Variants in ADAT3 observed in about 807,000 individuals in gnomAD.
ADAT3 encodes tRNA-specific adenosine-34 deaminase regulatory subunit ADAT3.
A neutral mutation model predicts 3.5 loss-of-function variants in ADAT3; 2 were observed. The observed-to-expected ratio is 0.57, with a 90% CI of 0.23 to 1.79. The LOEUF (loss-of-function observed/expected upper bound fraction) is 1.79, where lower values mean the gene tolerates loss of function less well. Ranked by LOEUF, ADAT3 falls within the 40% of genes most tolerant of loss-of-function variation. The pLI is 0.18. For synonymous variants in ADAT3, 358 were observed against 270.3 expected (o/e 1.32, Z -3.18); for missense variants, 735 against 571.4 (o/e 1.29, Z -2.92).
In ADAT3 at chr19:1,913,040, C is replaced by T. The variant is rs375967165; in HGVS notation, c.993C>T (p.Gly331=). ...RVFYGAPSPD[G]ALGTRFRIHA... ...TCTACGGTGCGCCCTCGCCCGACGG[C>T]GCCCTGGGCACCCGCTTCCGCATCC... Residue 331 remains glycine (G), a synonymous_variant, in exon 2 of 2, where the codon GGC becomes GGT. Transcript: ENST00000329478. 6 of 1,603,682 alleles carry T rather than the reference C, an allele frequency of 3.7e-6. No homozygotes were observed. Among genetic ancestry groups the T allele is most frequent in the Non-Finnish European group, 3.4e-6 (4 of 1,179,104 alleles).
Position 1,913,152 on chromosome 19 carries a change from G to GCGC in ADAT3, c.*6_*8dup. The GCGC allele has an allele frequency of 6.5e-7, 1 of 1,538,896 alleles. No homozygotes were observed. The highest frequency in any genetic ancestry group is 8.7e-7 in the Non-Finnish European group (1 of 1,145,610). On this transcript the variant is annotated 3_prime_UTR_variant, in exon 2 of 2. Transcript: ENST00000329478. ...CCGCTGGCTGGACCCCGACACGTAG[G>GCGC]CGCCGCCCTCCTGCCTCCGGACCCT...
In ADAT3 at chr19:1,912,952, T is replaced by G; in HGVS notation, c.905T>G (p.Val302Gly). 1 of 1,610,346 alleles carries G rather than the reference T, an allele frequency of 6.2e-7. No homozygotes were observed. The highest frequency in any genetic ancestry group is 8.5e-7 in the Non-Finnish European group (1 of 1,179,364). ...PYLCTGYDLY[V>G]TREPCAMCAM... ...CTGTGCACTGGCTACGACCTGTACGTGACCCGCGAGCCCTGCGCCATGTGC... is the reference window on the plus strand; with the variant it reads ...CTGTGCACTGGCTACGACCTGTACGGGACCCGCGAGCCCTGCGCCATGTGC... Residue 302 changes from valine to glycine, a missense_variant, in exon 2 of 2, where the codon GTG becomes GGG. Val to Gly is a moderately radical substitution (Grantham distance 109). Coordinates refer to ENST00000329478, the MANE Select transcript of ADAT3 (RefSeq NM_138422.4).
chr19:1,907,573 C>T (rs192944519), intron 1 of ADAT3, among the ~76,000 whole-genome samples: 8 of 152,236 alleles, frequency 5.3e-5, no homozygotes, highest in South Asian at 4.1e-4. Flanking sequence ...GGTCCCGGCG[C>T]GGACCTTGGC....
At chr19:1,905,614 G>A (rs1468052745) in intron 1 of ADAT3, 175 bp downstream of exon 1, 1 of 164,828 alleles carries the variant, frequency 6.1e-6, no homozygotes, top group Admixed American at 6.6e-5. Context: ...GCGACGCGGG[G>A]AGGCGGCGCG....
chr19:1,907,571 C>T (rs987087031), intron 1 of ADAT3, among the ~76,000 whole-genome samples: 7 of 152,104 alleles, frequency 4.6e-5, no homozygotes, highest in Non-Finnish European at 8.8e-5. Context: ...CAGGTCCCGG[C>T]GCGGACCTTG....
intron 1 of ADAT3, among the ~76,000 whole-genome samples, chr19:1,910,439 T>G (rs1390377937): frequency 2.6e-5 from 4 of 152,162 alleles, no homozygotes; most frequent in Non-Finnish European, 5.9e-5. Context: ...CTGTGTGTGT[T>G]GTAGGGTGGT....
At chr19:1,911,026 C>T (rs2013415828) in intron 1 of ADAT3, among the ~76,000 whole-genome samples, 1 of 152,004 alleles carries the variant, frequency 6.6e-6, no homozygotes. Context: ...CAGGTGCGTG[C>T]CACCAGGCCT....
intron 1 of ADAT3, among the ~76,000 whole-genome samples, chr19:1,909,333 C>T (rs1387302063): frequency 6.6e-6 from 1 of 152,160 alleles, no homozygotes; most frequent in Non-Finnish European, 1.5e-5. Flanking sequence ...ACGCCTGCCT[C>T]TCTGCTGTGC....
rs747288058 is a variant in ADAT3, at chr19:1,912,748, A to C, written c.701A>C (p.Asp234Ala). 10 of 1,547,254 alleles carry C rather than the reference A, an allele frequency of 6.5e-6. No homozygotes were observed. Among genetic ancestry groups the C allele is most frequent in the Admixed American group, 1.9e-5 (1 of 53,128 alleles). The change falls in exon 2 of 2, where the codon GAC (aspartate) becomes GCC (alanine). Residue 234 changes from aspartate to alanine, a missense_variant. Transcript: ENST00000329478. ...ACCGGCCACGACTGCAGCTGCGCGG[A>C]CAACCCCCTCCTGCACGCCGTCATG... ...LATGHDCSCA[D>A]NPLLHAVMVC... is the part of the protein sequence containing the mutation.
chr19:1,912,434 G>A lies in ADAT3; in HGVS notation c.387G>A (p.Pro129=). Residue 129 remains proline (P), a synonymous_variant, in exon 2 of 2, where the codon CCG becomes CCA. Coordinates refer to ENST00000329478, the MANE Select transcript of ADAT3 (RefSeq NM_138422.4). The stretch of plus-strand genomic sequence containing the variant: ...CGCTGGCTGAGCTCCTGCCACGGCC[G>A]GCTGTGGACCCCCGCGGCCTGGGGC... ...PRSLAELLPR[P]AVDPRGLGQP... The A allele has an allele frequency of 6.6e-7, 1 of 1,510,422 alleles. No individual in the cohort carries two copies. The highest frequency in any genetic ancestry group is 8.8e-7 in the Non-Finnish European group (1 of 1,136,650). The allele number at this position is 1,510,422 out of a possible 1,614,324, so 93.6% of individuals were successfully genotyped here.
Position 1,908,269 on chromosome 19 carries a change from A to AT in ADAT3, c.-159+2831dup. On this transcript the variant is annotated intron_variant, in intron 1 of 1. Transcript: ENST00000329478. This position sits in a 1 kb window ranked among gnomAD's most constrained non-coding sequence, Gnocchi z 4.2. ...GCTTCCTGCTCCCGGCTCCCACTGC[A>AT]TCTCCGGTTCTGTGCTTTGTTGAAC... 3.5e-6 allele frequency: 1 copy of AT among 284,412 alleles called. No homozygotes were observed. Among genetic ancestry groups the AT allele is most frequent in the Non-Finnish European group, 7.0e-6 (1 of 142,750 alleles). 17.6% of individuals were successfully genotyped at this position (284,412 alleles called of 1,614,324 possible).
chr19:1,910,821 C>T (rs754180302), intron 1 of ADAT3, among the ~76,000 whole-genome samples: 5 of 151,368 alleles, frequency 3.3e-5, no homozygotes, highest in East Asian at 1.9e-4. Context: ...ATGATCTGCC[C>T]GCCTCAGCCT....
chr19:1,907,166 G>A (rs961026016), intron 1 of ADAT3: 1 of 151,720 alleles, frequency 6.6e-6, no homozygotes, highest in African/African-American at 2.4e-5. Context: ...CAGCCTGGGG[G>A]ACAGAGTGAG....
chr19:1,909,460 C>A (rs1209188305), intron 1 of ADAT3, among the ~76,000 whole-genome samples: 1 of 152,176 alleles, frequency 6.6e-6, no homozygotes. Context: ...CCTGTGCCAG[C>A]AGCAGGGATG....
chr19:1,911,326 C>T (rs1354721378), intron 1 of ADAT3, among the ~76,000 whole-genome samples: 1 of 152,126 alleles, frequency 6.6e-6, no homozygotes, highest in East Asian at 1.9e-4. Flanking sequence ...TGTGTGCCAC[C>T]ACGCCCAGCT....
rs1370216374 is a variant in ADAT3 at position 1,912,904 on chromosome 19, C to T, written c.857C>T (p.Ala286Val). The T allele has an allele frequency of 6.2e-7, 1 of 1,608,836 alleles. No homozygotes were observed. Among genetic ancestry groups the T allele is most frequent in the Non-Finnish European group, 8.5e-7 (1 of 1,179,254 alleles). Residue 286 changes from alanine (A) to valine (V), a missense_variant, in exon 2 of 2, where the codon GCA becomes GTA. Transcript: ENST00000329478. ...GCAGGCGCCGTGCGTAAACTGGACG[C>T]AGACGAGGACGGCCTCCCCTACCTG... is the stretch of plus-strand genomic sequence containing the variant. ...VRAGAVRKLD[A>V]DEDGLPYLCT... is the part of the protein sequence containing the mutation.
In ADAT3 at chr19:1,905,458, G is replaced by A. The variant is rs779524024; in HGVS notation, c.-159+19G>A. Reference sequence around the variant, plus strand: ...CCCTCAGGTAAGCGCGCGGCCCCGAGGTCTCGGGTTCTCCAGGCTCAGACT... The same window carrying A: ...CCCTCAGGTAAGCGCGCGGCCCCGAAGTCTCGGGTTCTCCAGGCTCAGACT... On this transcript the variant is annotated intron_variant, in intron 1 of 1. Transcript: ENST00000329478. 7 of 457,684 alleles carry A rather than the reference G, an allele frequency of 1.5e-5. No homozygotes were observed. Among genetic ancestry groups the A allele is most frequent in the South Asian group, 3.2e-5 (2 of 62,728 alleles). The allele number at this position is 457,684 out of a possible 1,614,324, so 28.4% of individuals were successfully genotyped here.
Position 1,912,792 on chromosome 19 carries a change from G to T in ADAT3, c.745G>T (p.Ala249Ser). Residue 249 changes from alanine to serine, a missense_variant, in exon 2 of 2, where the codon GCG becomes TCG. Coordinates refer to ENST00000329478, the MANE Select transcript of ADAT3 (RefSeq NM_138422.4). The part of the protein sequence containing the change: ...HAVMVCVDLV[A>S]RGQGRGTYDF... ...CGTCATGGTGTGCGTGGACCTCGTG[G>T]CGCGCGGCCAGGGCCGCGGCACCTA... 6 of 1,571,924 alleles carry T rather than the reference G, an allele frequency of 3.8e-6. No individual in the cohort carries two copies. The highest frequency in any genetic ancestry group is 5.1e-6 in the Non-Finnish European group (6 of 1,167,408).
At position 1,912,144 on chromosome 19, in the gene ADAT3, G is replaced by T. The variant is rs749004308; in HGVS notation, c.97G>T (p.Gly33Trp). The change falls in exon 2 of 2, where the codon GGG becomes TGG. Residue 33 changes from glycine (G) to tryptophan (W), a missense_variant. Physicochemically the swap from Gly to Trp is radical, Grantham distance 184. Transcript: ENST00000329478. ...LVEQPKCLEA[G>W]SPEPEPAPWQ... ...GGAGCAGCCCAAGTGCTTGGAGGCCGGGAGCCCGGAGCCTGAGCCGGCGCC... is the reference window on the plus strand; with the variant it reads ...GGAGCAGCCCAAGTGCTTGGAGGCCTGGAGCCCGGAGCCTGAGCCGGCGCC... 1 of 1,562,410 alleles carries T rather than the reference G, an allele frequency of 6.4e-7. No individual in the cohort carries two copies. The highest frequency in any genetic ancestry group is 8.6e-7 in the Non-Finnish European group (1 of 1,159,458).
Sources: allele counts gnomAD v4.1 joint callset (sites outside exome capture counted in the v4.1 genomes callset), GRCh38; gene constraint gnomAD v4.1.1; non-coding constraint Gnocchi (gnomAD v3.1); transcripts MANE v1.5; gene names NCBI Gene and HGNC (gene_info 2026-07-23, HGNC 2026-07-21).